PHIP: variants seen among roughly 807,000 people sequenced by gnomAD.
PHIP encodes PH-interacting protein.
In PHIP, 54 loss-of-function variants were observed where a neutral mutation model predicts 236.8. The observed-to-expected ratio is 0.23, with a 90% CI of 0.18 to 0.29. PHIP has a LOEUF of 0.29. Ranked by LOEUF, PHIP falls within the 10% of genes least tolerant of loss-of-function variation. The pLI is 1.00. For missense variants in PHIP, 1,370 were observed against 2,190.8 expected, an observed-to-expected ratio of 0.63 and a Z score of 7.48; for synonymous variants, 756 against 718.9, an observed-to-expected ratio of 1.05 and a Z score of -0.83.
At chr6:79,000,833 T>A (rs936298908) in intron 17 of PHIP, among the ~76,000 whole-genome samples, 1 of 152,102 alleles carries the variant, frequency 6.6e-6, no homozygotes, top group Non-Finnish European at 1.5e-5. Flanking sequence ...ATAAGTCCAC[T>A]GGACTGCACT....
chr6:79,037,910 C>A (rs1354804311), intron 7 of PHIP, among the ~76,000 whole-genome samples: 1 of 152,140 alleles, frequency 6.6e-6, no homozygotes, highest in Non-Finnish European at 1.5e-5. Flanking sequence ...AAGCTCACAA[C>A]TTAATAGGAA....
At chr6:79,037,266 CA>C (rs1210115900) in intron 7 of PHIP, among the ~76,000 whole-genome samples, 1 of 152,136 alleles carries the variant, frequency 6.6e-6, no homozygotes, top group African/African-American at 2.4e-5. Flanking sequence ...ACAGGCCTTA[CA>C]ATCTGCAGGA....
intron 20 of PHIP, among the ~76,000 whole-genome samples, chr6:78,989,813 C>T (rs1443239458): frequency 6.6e-6 from 1 of 152,086 alleles, no homozygotes; most frequent in Admixed American, 6.6e-5. Flanking sequence ...ATAAGTTTAT[C>T]TCAGCAAAGG....
At chr6:79,002,941 A>G (rs1770082015) in intron 16 of PHIP, among the ~76,000 whole-genome samples, 1 of 152,102 alleles carries the variant, frequency 6.6e-6, no homozygotes, top group Non-Finnish European at 1.5e-5. Flanking sequence ...ATTAATATAA[A>G]CTCAACCAGG....
rs754461894 is a variant in PHIP, at chr6:79,016,657, AT to A, written c.1137-16del. 6.6e-7 allele frequency: 1 copy of A among 1,519,638 alleles called. No individual in the cohort carries two copies. Among genetic ancestry groups the A allele is most frequent in the Non-Finnish European group, 9.0e-7 (1 of 1,106,910 alleles). The allele number at this position is 1,519,638 out of a possible 1,614,324, so 94.1% of individuals were successfully genotyped here. ...CACTTACAAACCTGTATTAAAAGGA[AT>A]CCGATCCCCCAAAGAAAAATCATAC... is the stretch of plus-strand genomic sequence containing the variant. On this transcript the variant is annotated splice_polypyrimidine_tract_variant and intron_variant, in intron 12 of 39. Coordinates refer to ENST00000275034, the MANE Select transcript of PHIP (RefSeq NM_017934.7).
rs547407107 is a variant in PHIP, at chr6:78,990,223, G to A, written c.2319+645C>T. 2.6e-5 allele frequency among the ~76,000 whole-genome samples: 4 copies of A among 152,202 alleles called. No individual in the cohort carries two copies. The South Asian group carries it at 8.3e-4, about 32-fold the overall frequency. Reference sequence around the variant, plus strand: ...CCTCAATTTCAGACTCTAAGGCTCTGAAGCTTTCAAGCTAAGATGTTTTTC... The same window carrying A: ...CCTCAATTTCAGACTCTAAGGCTCTAAAGCTTTCAAGCTAAGATGTTTTTC... On this transcript the variant is annotated intron_variant, in intron 20 of 39. Coordinates refer to ENST00000275034, the MANE Select transcript of PHIP (RefSeq NM_017934.7).
intron 32 of PHIP, 74 bp downstream of exon 32, chr6:78,958,401 T>G: frequency 1.0e-6 from 1 of 972,748 alleles, no homozygotes; most frequent in Non-Finnish European, 1.6e-6. Context: ...AACAGTATGT[T>G]TTCTATTTTA....
Position 78,988,354 on chromosome 6 carries a change from A to G in PHIP, c.2320-5T>C. The G allele has an allele frequency of 6.4e-7, 1 of 1,564,694 alleles. No homozygotes were observed. Among genetic ancestry groups the G allele is most frequent in the Non-Finnish European group, 8.6e-7 (1 of 1,156,570 alleles). ...GAAATGCTCATGAGCATGATTCTAG[A>G]AAAAAATAAATTAAATTTATTCACA... is the stretch of plus-strand genomic sequence containing the variant. On this transcript the variant is annotated splice_region_variant and splice_polypyrimidine_tract_variant and intron_variant, in intron 20 of 39. Transcript: ENST00000275034.
intron 19 of PHIP, among the ~76,000 whole-genome samples, chr6:78,992,720 C>T (rs1328374049): frequency 1.3e-5 from 2 of 152,102 alleles, no homozygotes; most frequent in Non-Finnish European, 2.9e-5. Context: ...ATGAACTTAA[C>T]TGACAAATGT....
At chr6:79,059,299 A>G (rs998412021) in intron 6 of PHIP, among the ~76,000 whole-genome samples, 1 of 151,984 alleles carries the variant, frequency 6.6e-6, no homozygotes, top group Admixed American at 6.6e-5. Flanking sequence ...TCAATAAAAG[A>G]CATTTCCAGA....
At chr6:78,986,323 G>A (rs1180000143) in intron 21 of PHIP, among the ~76,000 whole-genome samples, 1 of 152,116 alleles carries the variant, frequency 6.6e-6, no homozygotes, top group African/African-American at 2.4e-5. Flanking sequence ...ATAAAATTGG[G>A]TTTTTTGATG....
intron 4 of PHIP, among the ~76,000 whole-genome samples, chr6:79,061,506 C>G (rs1426586823): frequency 6.6e-6 from 1 of 152,058 alleles, no homozygotes; most frequent in Non-Finnish European, 1.5e-5. Flanking sequence ...AGGAAAATGT[C>G]TCCTCTATTA....
At chr6:78,975,299 A>G (rs2127711915) in intron 24 of PHIP, among the ~76,000 whole-genome samples, 1 of 152,348 alleles carries the variant, frequency 6.6e-6, no homozygotes, top group South Asian at 2.1e-4. Flanking sequence ...TAGATGCAGA[A>G]AAGGCCTTTG....
intron 9 of PHIP, among the ~76,000 whole-genome samples, chr6:79,020,879 T>A (rs901951152): frequency 1.3e-5 from 2 of 152,004 alleles, no homozygotes; most frequent in Middle Eastern, 3.4e-3. Flanking sequence ...ATAAGTTAAA[T>A]TACAGCCAAA....
chr6:78,995,411 A>G (rs1184549204), intron 19 of PHIP, among the ~76,000 whole-genome samples: 1 of 152,202 alleles, frequency 6.6e-6, no homozygotes, highest in Non-Finnish European at 1.5e-5. Flanking sequence ...TATGACAGGC[A>G]GTTCCATGTT....
intron 17 of PHIP, among the ~76,000 whole-genome samples, chr6:78,998,603 C>T (rs1769778324): frequency 1.3e-5 from 2 of 151,874 alleles, no homozygotes; most frequent in Non-Finnish European, 2.9e-5. Context: ...AGGATGGTTG[C>T]TAACTTTTAC....
intron 18 of PHIP, 53 bp downstream of exon 18, chr6:78,998,201 T>A: frequency 6.9e-7 from 1 of 1,439,820 alleles, no homozygotes; most frequent in Non-Finnish European, 9.8e-7. Flanking sequence ...TGTGGGAGAT[T>A]TAGGCTGTTT....
intron 9 of PHIP, among the ~76,000 whole-genome samples, chr6:79,020,677 A>AT (rs1771073952): frequency 6.6e-6 from 1 of 152,240 alleles, no homozygotes; most frequent in African/African-American, 2.4e-5. Context: ...GGAAATCAGT[A>AT]TATTGAAGGG....
chr6:79,076,138 A>G (rs1420442483), intron 4 of PHIP, among the ~76,000 whole-genome samples: 1 of 152,208 alleles, frequency 6.6e-6, no homozygotes, highest in Non-Finnish European at 1.5e-5. Flanking sequence ...GCTTATTTCA[A>G]CAGCCTTGAG....
Sources: allele counts gnomAD v4.1 joint callset (sites outside exome capture counted in the v4.1 genomes callset), GRCh38; gene constraint gnomAD v4.1.1; transcripts MANE v1.5; gene names NCBI Gene and HGNC (gene_info 2026-07-23, HGNC 2026-07-21).